The following SHANK2 variants were observed in gnomAD, a reference collection of about 807,000 sequenced individuals.
SHANK2 encodes SH3 and multiple ankyrin repeat domains protein 2.
Under a neutral mutation model 133.7 loss-of-function variants are expected in SHANK2, and 43 were observed. The ratio of observed to expected loss-of-function variants is 0.32; its 90% CI spans 0.25 to 0.41. The LOEUF is 0.41. SHANK2 is among the 10% of genes least tolerant of loss of function. SHANK2 has a pLI of 1.00. For synonymous variants in SHANK2, 1,017 were observed against 952.8 expected (o/e 1.07, Z -1.24); for missense variants, 1,994 against 2,235.8 (o/e 0.89, Z 2.18).
At chr11:71,163,093 A>AATATATATATATATATATAT (rs1555110179) in intron 2 of SHANK2, among the ~76,000 whole-genome samples, 1 of 84,676 alleles carries the variant, frequency 1.2e-5, no homozygotes, top group African/African-American at 4.6e-5. Flanking sequence ...AAAAAAAAAA[A>AATATATATATATATATATAT]ATACATATAT....
At chr11:70,937,657 G>A (rs1252430064) in intron 10 of SHANK2, among the ~76,000 whole-genome samples, 2 of 152,102 alleles carry the variant, frequency 1.3e-5, no homozygotes, top group Admixed American at 1.3e-4. Flanking sequence ...CCCATCTTTT[G>A]AGTACTTTAT....
At chr11:71,113,691 C>T (rs1555099834) in intron 4 of SHANK2, among the ~76,000 whole-genome samples, 1 of 152,202 alleles carries the variant, frequency 6.6e-6, no homozygotes, top group African/African-American at 2.4e-5. Context: ...TGGTTCCTCC[C>T]AGGGGAATGG....
Position 70,487,360 on chromosome 11 carries a change from C to T in SHANK2, c.2933G>A (p.Arg978His), listed in dbSNP as rs782619633. 3.1e-6 allele frequency: 5 copies of T among 1,614,108 alleles called. No homozygotes were observed. The highest frequency in any genetic ancestry group is 2.5e-6 in the Non-Finnish European group (3 of 1,180,030). ...SRNAGPQANF[R>H]NKRGQMPENP... ...TTCTGGCATCTGGCCTCTCTTGTTGCGGAAGTTGGCTTGCGGGCCGGCATT... is the reference window on the plus strand; with the variant it reads ...TTCTGGCATCTGGCCTCTCTTGTTGTGGAAGTTGGCTTGCGGGCCGGCATT... The change falls in exon 25 of 26, where the codon CGC (arginine) becomes CAC (histidine). Residue 978 changes from arginine (R) to histidine (H), a missense_variant. Coordinates refer to ENST00000601538, the MANE Select transcript of SHANK2 (RefSeq NM_012309.5). This position sits in a 1 kb window ranked among gnomAD's most constrained non-coding sequence, Gnocchi z 5.8.
At chr11:70,842,837 G>A (rs550264382) in intron 11 of SHANK2, among the ~76,000 whole-genome samples, 15 of 152,318 alleles carry the variant, frequency 9.8e-5, no homozygotes, top group Admixed American at 4.6e-4. Flanking sequence ...CCCTCCACAC[G>A]GTTTCCTCTC....
intron 10 of SHANK2, among the ~76,000 whole-genome samples, chr11:70,945,280 G>A (rs1047156459): frequency 6.6e-6 from 1 of 152,170 alleles, no homozygotes; most frequent in Admixed American, 6.5e-5. Flanking sequence ...CCTGGGGTGA[G>A]CATGTGTTTC....
intron 11 of SHANK2, among the ~76,000 whole-genome samples, chr11:70,888,375 G>A (rs1320906108): frequency 1.3e-5 from 2 of 152,102 alleles, no homozygotes; most frequent in South Asian, 2.1e-4. Context: ...CTCTGAGCTC[G>A]GCTGCTCCTG....
At chr11:71,223,819 C>T (rs1335972208) in intron 2 of SHANK2, among the ~76,000 whole-genome samples, 3 of 152,166 alleles carry the variant, frequency 2.0e-5, no homozygotes, top group Non-Finnish European at 2.9e-5. Context: ...GTGAAAATGA[C>T]GGAGAGGAAC....
intron 11 of SHANK2, among the ~76,000 whole-genome samples, chr11:70,875,184 T>C (rs1949538366): frequency 6.6e-6 from 1 of 152,088 alleles, no homozygotes; most frequent in Admixed American, 6.6e-5. Flanking sequence ...AAGGGACATT[T>C]AGCTGGCTTT....
chr11:70,883,536 G>A (rs531525094), intron 11 of SHANK2, among the ~76,000 whole-genome samples: 93 of 152,280 alleles, frequency 6.1e-4, no homozygotes, highest in African/African-American at 1.9e-3. Flanking sequence ...AACCTGACCC[G>A]AGCAGGCAGG....
At chr11:70,695,113 T>A (rs1945365522) in intron 15 of SHANK2, among the ~76,000 whole-genome samples, 1 of 152,076 alleles carries the variant, frequency 6.6e-6, no homozygotes, top group Non-Finnish European at 1.5e-5. Flanking sequence ...AGTCATCAAA[T>A]TCATAGAGAC....
At chr11:70,888,760 T>C (rs1590800376) in intron 11 of SHANK2, among the ~76,000 whole-genome samples, 1 of 150,990 alleles carries the variant, frequency 6.6e-6, no homozygotes, top group East Asian at 2.0e-4. Context: ...GAGGTTGAAG[T>C]GAACTGAAAC....
Position 70,535,240 on chromosome 11 carries a change from G to A in SHANK2, c.2062-32309C>T, listed in dbSNP as rs77770289. Reference sequence around the variant, plus strand: ...TCCCACATGAGTCAGTCCATCCATCGCTCTATCCATCCATTACTCCATCCA... The same window carrying A: ...TCCCACATGAGTCAGTCCATCCATCACTCTATCCATCCATTACTCCATCCA... On this transcript the variant is annotated intron_variant, in intron 17 of 25. Coordinates refer to ENST00000601538, the MANE Select transcript of SHANK2 (RefSeq NM_012309.5). The surrounding 1 kb of genome is among the most constrained non-coding windows in gnomAD (Gnocchi z 4.3). 3.5e-3 allele frequency among the ~76,000 whole-genome samples: 536 copies of A among 151,940 alleles called. 2 individuals carry two copies. Among genetic ancestry groups the A allele is most frequent in the African/African-American group, 0.012 (511 of 41,436 alleles).
intron 14 of SHANK2, among the ~76,000 whole-genome samples, chr11:70,726,755 TA>T (rs1946188973): frequency 6.6e-6 from 1 of 152,224 alleles, no homozygotes; most frequent in Non-Finnish European, 1.5e-5. Context: ...GCCCAGACCT[TA>T]AACTTGGTCT....
At position 70,593,777 on chromosome 11, in the gene SHANK2, C is replaced by A. The variant is rs529515763; in HGVS notation, c.2061+66051G>T. 2.6e-5 allele frequency among the ~76,000 whole-genome samples: 4 copies of A among 152,326 alleles called. No individual in the cohort carries two copies. The South Asian group carries it at 8.3e-4, about 32-fold the overall frequency. On this transcript the variant is annotated intron_variant, in intron 17 of 25. Transcript: ENST00000601538. The stretch of plus-strand genomic sequence containing the variant: ...GAGTGACAAGGACTCCAATCTGGAT[C>A]CCTTTGGCCTCAGCTGGAGGGACCT...
In SHANK2 at chr11:70,747,862, T is replaced by C. The variant is rs782267408; in HGVS notation, c.1778-49099A>G. On this transcript the variant is annotated intron_variant, in intron 14 of 25. Transcript: ENST00000601538. ...GGTGCATGTATGTGCAGTGTTTGTG[T>C]GTGCATACATGCACACATGATGTAC... 2.0e-4 allele frequency among the ~76,000 whole-genome samples: 31 copies of C among 152,346 alleles called. No homozygotes were observed. The Middle Eastern group carries it at 0.01, about 50-fold the overall frequency.
intron 17 of SHANK2, among the ~76,000 whole-genome samples, chr11:70,610,209 C>A (rs1311935146): frequency 5.3e-5 from 8 of 151,928 alleles, no homozygotes; most frequent in African/African-American, 1.9e-4. Context: ...ATGTATTTGA[C>A]CACAATGAAA....
chr11:70,738,993 C>G (rs1357630147), intron 14 of SHANK2, among the ~76,000 whole-genome samples: 4 of 152,230 alleles, frequency 2.6e-5, no homozygotes, highest in Non-Finnish European at 5.9e-5. Context: ...ACGGAAGGAC[C>G]TGTGGTGTTC....
intron 10 of SHANK2, among the ~76,000 whole-genome samples, chr11:70,904,482 G>A (rs1555077479): frequency 1.5e-4 from 23 of 150,620 alleles, no homozygotes. Flanking sequence ...CCACTGTTGT[G>A]GGAGGGACCC....
chr11:70,753,539 A>C (rs1555037948), intron 14 of SHANK2, among the ~76,000 whole-genome samples: 1 of 152,214 alleles, frequency 6.6e-6, no homozygotes, highest in Non-Finnish European at 1.5e-5. Context: ...GAGAAAACTT[A>C]ATGAAGTTCA....
Sources: allele counts gnomAD v4.1 joint callset (sites outside exome capture counted in the v4.1 genomes callset), GRCh38; gene constraint gnomAD v4.1.1; non-coding constraint Gnocchi (gnomAD v3.1); transcripts MANE v1.5; gene names NCBI Gene and HGNC (gene_info 2026-07-23, HGNC 2026-07-21).